Variants in ANO1 observed in about 807,000 individuals in gnomAD.
ANO1 encodes anoctamin 1.
Under a neutral mutation model 124.0 loss-of-function variants are expected in ANO1, and 59 were observed. The observed-to-expected ratio is 0.48, with a 90% CI of 0.39 to 0.59. The LOEUF (loss-of-function observed/expected upper bound fraction) is 0.59, where lower values mean the gene tolerates loss of function less well. Among genes scored for constraint, ANO1 ranks in the 20% least tolerant of loss-of-function variants. The pLI is 0.00. For synonymous variants in ANO1, 529 were observed against 532.0 expected (o/e 0.99, Z 0.08); for missense variants, 1,059 against 1,328.0 (o/e 0.80, Z 3.15).
At chr11:70,067,816 C>G (rs1213403405) in intron 1 of ANO1, among the ~76,000 whole-genome samples, 1 of 152,286 alleles carries the variant, frequency 6.6e-6, no homozygotes, top group East Asian at 1.9e-4. Context: ...TACCAGTGAC[C>G]GTTTAGGATT....
intron 23 of ANO1, 119 bp downstream of exon 23, chr11:70,180,175 A>G: frequency 2.2e-6 from 2 of 922,824 alleles, no homozygotes; most frequent in South Asian, 1.4e-5. Context: ...GTGCAGCCCC[A>G]GGCTGCCCGG....
chr11:70,014,970 A>G (rs1202632178), intron 1 of ANO1: 1 of 151,722 alleles, frequency 6.6e-6, no homozygotes, highest in Admixed American at 6.6e-5. Context: ...GGAAGGCCAG[A>G]CTGAGGGTGC....
chr11:70,047,513 T>C (rs1441545047), intron 1 of ANO1, among the ~76,000 whole-genome samples: 1 of 152,172 alleles, frequency 6.6e-6, no homozygotes, highest in African/African-American at 2.4e-5. Flanking sequence ...CTCTTTCCCT[T>C]CAATGGGGAT....
At chr11:70,016,035 T>TC (rs1565161344) in intron 1 of ANO1, among the ~76,000 whole-genome samples, 1 of 144,168 alleles carries the variant, frequency 6.9e-6, no homozygotes, top group Non-Finnish European at 1.5e-5. Flanking sequence ...TTTTTTTTTT[T>TC]CTTTTTTTTT....
chr11:70,122,694 CCT>C (rs1183257674), intron 8 of ANO1, among the ~76,000 whole-genome samples: 1 of 151,356 alleles, frequency 6.6e-6, no homozygotes. Flanking sequence ...CTCTCCCCTA[CCT>C]CTCTCTGTCT....
intron 1 of ANO1, among the ~76,000 whole-genome samples, chr11:70,066,741 G>C (rs1413146789): frequency 1.3e-5 from 2 of 152,118 alleles, no homozygotes; most frequent in Non-Finnish European, 2.9e-5. Flanking sequence ...GATGCTGCCA[G>C]CTCCATCACC....
Position 70,163,344 on chromosome 11 carries a change from A to G in ANO1, c.1950+4A>G. 1 of 1,613,962 alleles carries G rather than the reference A, an allele frequency of 6.2e-7. No individual in the cohort carries two copies. The highest frequency in any genetic ancestry group is 8.5e-7 in the Non-Finnish European group (1 of 1,179,880). ...CCGTTCCTTCCGAATGGAAGAGGTA[A>G]CCGAAATTTTATTCATCTCTGGCAG... On this transcript the variant is annotated splice_donor_region_variant and intron_variant, in intron 19 of 25. Coordinates refer to ENST00000355303, the MANE Select transcript of ANO1 (RefSeq NM_018043.7).
intron 1 of ANO1, among the ~76,000 whole-genome samples, chr11:70,010,179 G>GTATGTGTGTATA (rs1188271051): frequency 4.8e-5 from 4 of 83,814 alleles, no homozygotes; most frequent in South Asian, 9.5e-4. Context: ...GTGTGTGTGT[G>GTATGTGTGTATA]TATATATATA....
At chr11:70,010,736 G>A (rs1856586359) in intron 1 of ANO1, among the ~76,000 whole-genome samples, 1 of 152,134 alleles carries the variant, frequency 6.6e-6, no homozygotes, top group Non-Finnish European at 1.5e-5. Flanking sequence ...CCCACCAGGG[G>A]TCCTGGTCCC....
intron 6 of ANO1, among the ~76,000 whole-genome samples, chr11:70,109,748 C>T (rs768667617): frequency 2.6e-5 from 4 of 152,174 alleles, no homozygotes; most frequent in Non-Finnish European, 5.9e-5. Flanking sequence ...TGTATGGTTG[C>T]AATAGAAGTC....
chr11:70,074,767 G>A (rs1196207363), upstream of ANO1, among the ~76,000 whole-genome samples: 1 of 152,194 alleles, frequency 6.6e-6, no homozygotes, highest in Non-Finnish European at 1.5e-5. Context: ...CATCTCATGG[G>A]TGGGTAGAGG....
chr11:70,039,526 C>T (rs1555004807), intron 1 of ANO1, among the ~76,000 whole-genome samples: 2 of 151,652 alleles, frequency 1.3e-5, no homozygotes, highest in East Asian at 2.0e-4. Context: ...CCAGTAGGAC[C>T]CTTTAAACCA....
rs1163188530 is a variant in ANO1, at chr11:70,124,409, G to C, written c.957G>C (p.Leu319=). ...GVFYKYQPID[L]VRKYFGEKIG... Reference sequence around the variant, plus strand: ...TCTATAAGTACCAGCCCATCGACCTGGTCAGGTAAGAACGCGCCACAGCCT... The same window carrying C: ...TCTATAAGTACCAGCCCATCGACCTCGTCAGGTAAGAACGCGCCACAGCCT... Residue 319 remains leucine (L), a synonymous_variant, in exon 9 of 26, where the codon CTG becomes CTC. Coordinates refer to ENST00000355303, the MANE Select transcript of ANO1 (RefSeq NM_018043.7). 5 of 1,613,612 alleles carry C rather than the reference G, an allele frequency of 3.1e-6. No individual in the cohort carries two copies. The highest frequency in any genetic ancestry group is 3.4e-6 in the Non-Finnish European group (4 of 1,179,856).
intron 1 of ANO1, among the ~76,000 whole-genome samples, chr11:70,028,870 C>T (rs922710509): frequency 1.1e-4 from 16 of 152,276 alleles, no homozygotes; most frequent in Non-Finnish European, 2.2e-4. Flanking sequence ...CAACCTCTGC[C>T]TCCTGGGTTC....
intron 12 of ANO1, chr11:70,150,017 G>C (rs1396972277): frequency 4.6e-6 from 3 of 651,050 alleles, no homozygotes; most frequent in Non-Finnish European, 8.5e-6. Flanking sequence ...CTGCTGAAGT[G>C]TTTTCATCCC....
intron 18 of ANO1, among the ~76,000 whole-genome samples, chr11:70,161,962 A>C (rs909189841): frequency 6.6e-6 from 1 of 151,326 alleles, no homozygotes. Flanking sequence ...TGGGGACCCC[A>C]GGCAGTGAGG....
intron 23 of ANO1, among the ~76,000 whole-genome samples, chr11:70,180,600 C>T (rs1220973074): frequency 6.6e-6 from 1 of 152,084 alleles, no homozygotes; most frequent in African/African-American, 2.4e-5. Context: ...CAAAATTCTC[C>T]ACCATGCCCA....
At chr11:70,030,386 T>C (rs563295374) in intron 1 of ANO1, among the ~76,000 whole-genome samples, 51 of 152,330 alleles carry the variant, frequency 3.3e-4, no homozygotes, top group Non-Finnish European at 5.4e-4. Flanking sequence ...GCTGCTATGT[T>C]GGTTTCCTGG....
the ANO1 span, among the ~76,000 whole-genome samples, chr11:69,974,759 G>A: frequency 1.3e-5 from 2 of 152,196 alleles, no homozygotes; most frequent in Non-Finnish European, 2.9e-5. Flanking sequence ...TGGCTCAGAA[G>A]GAAGATGCCA....
Sources: gnomAD v4.1 joint callset for allele counts (sites outside exome capture counted in the v4.1 genomes callset) on GRCh38, gnomAD v4.1.1 for gene constraint, MANE v1.5 for transcripts, NCBI Gene and HGNC (gene_info 2026-07-23, HGNC 2026-07-21) for gene names.